The following KHDRBS1 variants were observed in gnomAD, a reference collection of about 807,000 sequenced individuals.
KHDRBS1 encodes the protein KH RNA binding domain containing, signal transduction associated 1.
Under a neutral mutation model 48.4 loss-of-function variants are expected in KHDRBS1, and 7 were observed. That is an observed-to-expected ratio of 0.14 (90% confidence interval 0.08 to 0.27). The LOEUF (loss-of-function observed/expected upper bound fraction) is 0.27, where lower values mean the gene tolerates loss of function less well. Ranked by LOEUF, KHDRBS1 falls within the 10% of genes least tolerant of loss-of-function variation. KHDRBS1 has a pLI of 1.00. For missense variants in KHDRBS1, 458 were observed against 601.2 expected (o/e 0.76, Z 2.49); for synonymous variants, 241 against 235.8 (o/e 1.02, Z -0.20).
chr1:32,037,188 A>C, intron 5 of KHDRBS1, 145 bp downstream of exon 5: 3 of 907,872 alleles, frequency 3.3e-6, no homozygotes, highest in Non-Finnish European at 4.9e-6. Flanking sequence ...CCATACTCTC[A>C]CACCTGTAAT....
chr1:32,030,295 C>A lies in KHDRBS1; in HGVS notation c.383-3C>A. 1 of 1,597,760 alleles carries A rather than the reference C, an allele frequency of 6.3e-7. No homozygotes were observed. The highest frequency in any genetic ancestry group is 1.1e-5 in the South Asian group (1 of 87,734). The stretch of plus-strand genomic sequence containing the variant: ...GCAAAAATAAATTGTTTTTCCTATT[C>A]AGAAATTGAGAAGATTCAGAAAGGA... On this transcript the variant is annotated splice_polypyrimidine_tract_variant and splice_region_variant and intron_variant, in intron 1 of 8. Coordinates refer to ENST00000327300, the MANE Select transcript of KHDRBS1 (RefSeq NM_006559.3).
rs1206289473 is a variant in KHDRBS1, at chr1:32,059,693, G to A, written n.1302-470G>A. 3.3e-5 allele frequency among the ~76,000 whole-genome samples: 5 copies of A among 152,122 alleles called. No homozygotes were observed. The East Asian group carries it at 5.8e-4, about 18-fold the overall frequency. On this transcript the variant is annotated intron_variant and non_coding_transcript_variant, in intron 10 of 10. Coordinates refer to the KHDRBS1 transcript ENST00000484270. ...GGATGAATCCTTCATAACATCCATC[G>A]CCCCTTGAGCCTAACATTGAGTTAC...
At position 32,015,971 on chromosome 1, in the gene KHDRBS1, G is replaced by C. The variant is rs866538023; in HGVS notation, c.382+1594G>C. Among the ~76,000 whole-genome samples, 3 of 152,300 alleles carry C rather than the reference G, an allele frequency of 2.0e-5. No individual in the cohort carries two copies. The East Asian group carries it at 5.8e-4, about 29-fold the overall frequency. ...CGAGACGGGCTGATCGCGAGGTCAG[G>C]AGTTGGAGACCAGCCTGATCAACAT... On this transcript the variant is annotated intron_variant, in intron 1 of 8. Coordinates refer to ENST00000327300, the MANE Select transcript of KHDRBS1 (RefSeq NM_006559.3).
chr1:32,022,467 G>A lies in KHDRBS1; in HGVS notation c.383-7831G>A, dbSNP rs1224971858. 2.0e-4 allele frequency among the ~76,000 whole-genome samples: 30 copies of A among 152,144 alleles called. 1 individual carries two copies. Among genetic ancestry groups the A allele is most frequent in the Non-Finnish European group, 5.9e-5 (4 of 68,034 alleles). ...AAGTGTAGAACCAAGTATAGTGGGA[G>A]TCTAGAGGAGGGTATGAAATGAACC... On this transcript the variant is annotated intron_variant, in intron 1 of 8. Coordinates refer to ENST00000327300, the MANE Select transcript of KHDRBS1 (RefSeq NM_006559.3).
chr1:32,028,612 C>T (rs1639021337), intron 1 of KHDRBS1, among the ~76,000 whole-genome samples: 1 of 149,696 alleles, frequency 6.7e-6, no homozygotes, highest in East Asian at 2.0e-4. Flanking sequence ...ATGCCATTCT[C>T]CTGCCCCAGC....
Position 32,014,136 on chromosome 1 carries a change from C to A in KHDRBS1, c.141C>A (p.Gly47=). Residue 47 remains glycine (G), a synonymous_variant, in exon 1 of 9, where the codon GGC becomes GGA. Coordinates refer to ENST00000327300, the MANE Select transcript of KHDRBS1 (RefSeq NM_006559.3). ...CGCTGCCTCACCGGTCCCGGGGAGG[C>A]GGAGGGGGATCCCGCGGGGGCGCCC... ...QPPLPHRSRG[G]GGGSRGGARA... is the part of the protein sequence containing the mutation. 1 of 1,327,030 alleles carries A rather than the reference C, an allele frequency of 7.5e-7. No homozygotes were observed. 82.2% of individuals were successfully genotyped at this position (1,327,030 alleles called of 1,614,324 possible).
intron 10 of KHDRBS1, among the ~76,000 whole-genome samples, chr1:32,054,846 T>C (rs1012723837): frequency 1.4e-4 from 22 of 152,214 alleles, no homozygotes; most frequent in African/African-American, 5.3e-4. Context: ...TATTCCAGTG[T>C]GGCCTAGGGA....
At chr1:32,042,069 G>C (rs1639291892) in intron 8 of KHDRBS1, among the ~76,000 whole-genome samples, 1 of 152,150 alleles carries the variant, frequency 6.6e-6, no homozygotes, top group African/African-American at 2.4e-5. Flanking sequence ...ATGGAAGTGG[G>C]GCTGGCTGCC....
chr1:32,014,549 G>A (rs1638696398), intron 1 of KHDRBS1, among the ~76,000 whole-genome samples, 172 bp downstream of exon 1: 2 of 152,190 alleles, frequency 1.3e-5, no homozygotes, highest in South Asian at 4.1e-4. Context: ...CCCGGAGTGC[G>A]TGGGAGAATT....
chr1:32,015,747 G>T (rs957594845), intron 1 of KHDRBS1, among the ~76,000 whole-genome samples: 1 of 152,212 alleles, frequency 6.6e-6, no homozygotes, highest in Non-Finnish European at 1.5e-5. Context: ...TTCTAGCATG[G>T]ATAAGTGTTA....
chr1:32,022,287 C>T (rs533332911), intron 1 of KHDRBS1, among the ~76,000 whole-genome samples: 70 of 152,172 alleles, frequency 4.6e-4, no homozygotes, highest in African/African-American at 7.2e-4. Context: ...TGTGAGCCAC[C>T]GCGCCCCAGC....
intron 10 of KHDRBS1, among the ~76,000 whole-genome samples, chr1:32,059,987 C>T (rs1281794385): frequency 6.6e-6 from 1 of 152,124 alleles, no homozygotes; most frequent in Non-Finnish European, 1.5e-5. Flanking sequence ...AATTCATAGG[C>T]TGTGGACTTC....
intron 5 of KHDRBS1, among the ~76,000 whole-genome samples, chr1:32,037,263 C>T (rs1444471858): frequency 6.6e-6 from 1 of 151,994 alleles, no homozygotes; most frequent in Non-Finnish European, 1.5e-5. Context: ...ACCAGCCTGG[C>T]CAACATGGTG....
At chr1:32,048,861 A>G (rs1639384810), downstream of KHDRBS1, among the ~76,000 whole-genome samples, 1 of 151,906 alleles carries the variant, frequency 6.6e-6, no homozygotes, top group South Asian at 2.1e-4. Flanking sequence ...GTCTTCCACC[A>G]ATCTATTTAT....
At chr1:32,042,338 C>T (rs752637278) in intron 8 of KHDRBS1, among the ~76,000 whole-genome samples, 189 bp from the exon 9 acceptor site, 19 of 152,276 alleles carry the variant, frequency 1.2e-4, no homozygotes, top group Non-Finnish European at 2.2e-4. Flanking sequence ...TCCTTCCACT[C>T]AAAACTGAAA....
At chr1:32,040,453 T>C (rs1639262331) in intron 8 of KHDRBS1, among the ~76,000 whole-genome samples, 2 of 151,728 alleles carry the variant, frequency 1.3e-5, no homozygotes, top group Admixed American at 1.3e-4. Context: ...TTAGAGGCTG[T>C]AGGGGCTAGA....
chr1:32,054,352 T>TC, intron 10 of KHDRBS1: 1 of 152,112 alleles, frequency 6.6e-6, no homozygotes, highest in Non-Finnish European at 1.5e-5. Flanking sequence ...ATTCTCCCCT[T>TC]CTTGTCCTCC....
At position 32,024,403 on chromosome 1, in the gene KHDRBS1, T is replaced by C. The variant is rs182867335; in HGVS notation, c.383-5895T>C. Among the ~76,000 whole-genome samples the C allele has an allele frequency of 1.6e-3, 242 of 152,214 alleles. 1 individual carries two copies. The highest frequency in any genetic ancestry group is 2.5e-3 in the Non-Finnish European group (170 of 68,004). On this transcript the variant is annotated intron_variant, in intron 1 of 8. Transcript: ENST00000327300. ...ATGGCTCACCACAGCCTCCAACTCC[T>C]GGGCTCAAGTGATCGTCCTGCCTCA...
intron 10 of KHDRBS1, among the ~76,000 whole-genome samples, chr1:32,050,679 A>ATT (rs903180549): frequency 6.6e-6 from 1 of 151,412 alleles, no homozygotes; most frequent in Non-Finnish European, 1.5e-5. Context: ...TGCCTGGCTA[A>ATT]TTTTTTTTAT....
Sources: gnomAD v4.1 joint callset for allele counts (sites outside exome capture counted in the v4.1 genomes callset) on GRCh38, gnomAD v4.1.1 for gene constraint, MANE v1.5 for transcripts, NCBI Gene and HGNC (gene_info 2026-07-23, HGNC 2026-07-21) for gene names.